Variants in UBE2E2 observed in about 807,000 individuals in gnomAD.
UBE2E2 encodes the protein ubiquitin-conjugating enzyme E2 E2.
UBE2E2 carries 6 observed loss-of-function variants against 24.7 expected under a neutral mutation model. The ratio of observed to expected loss-of-function variants is 0.24; its 90% CI spans 0.13 to 0.48. The LOEUF is 0.48. Among genes scored for constraint, UBE2E2 ranks in the 20% least tolerant of loss-of-function variants. The pLI, the probability that UBE2E2 is intolerant of heterozygous loss-of-function variation, is 0.99. For missense variants in UBE2E2, 169 were observed against 245.0 expected (o/e 0.69, Z 2.07); for synonymous variants, 104 against 83.6 (o/e 1.24, Z -1.33).
intron 3 of UBE2E2, among the ~76,000 whole-genome samples, chr3:23,430,888 A>G (rs1391716898): frequency 1.3e-5 from 2 of 152,202 alleles, no homozygotes; most frequent in Admixed American, 1.3e-4. Flanking sequence ...TACAGAGTTT[A>G]TGAAATGCTG....
At chr3:23,247,398 A>G (rs922754131) in intron 3 of UBE2E2, among the ~76,000 whole-genome samples, 5 of 148,706 alleles carry the variant, frequency 3.4e-5, no homozygotes, top group African/African-American at 9.9e-5. Flanking sequence ...CTCTGTCACC[A>G]GGCTGGAGTG....
At chr3:23,238,827 G>A (rs1263164664) in intron 3 of UBE2E2, among the ~76,000 whole-genome samples, 40 of 152,184 alleles carry the variant, frequency 2.6e-4, no homozygotes, top group Admixed American at 2.6e-3. Flanking sequence ...ACTGGGACCT[G>A]CCACATGGGG....
intron 3 of UBE2E2, among the ~76,000 whole-genome samples, chr3:23,449,296 T>G (rs1698503787): frequency 6.6e-6 from 1 of 152,242 alleles, no homozygotes; most frequent in Non-Finnish European, 1.5e-5. Context: ...TACATGGATT[T>G]CTTAAAAATT....
At position 23,258,615 on chromosome 3, in the gene UBE2E2, C is replaced by T. The variant is rs192335150; in HGVS notation, c.227+41303C>T. Among the ~76,000 whole-genome samples, 138 of 152,174 alleles carry T rather than the reference C, an allele frequency of 9.1e-4. No individual in the cohort carries two copies. In the Middle Eastern group the frequency reaches 0.01, roughly 11 times the overall value. On this transcript the variant is annotated intron_variant, in intron 3 of 5. Coordinates refer to ENST00000396703, the MANE Select transcript of UBE2E2 (RefSeq NM_152653.4). Reference sequence around the variant, plus strand: ...TGAGCTTATAAAAATGAATCTAGGTCGGGTGTGGTGGCTCACGCCTATAAT... The same window carrying T: ...TGAGCTTATAAAAATGAATCTAGGTTGGGTGTGGTGGCTCACGCCTATAAT...
chr3:23,213,437 C>CCGA, intron 2 of UBE2E2, among the ~76,000 whole-genome samples: 1 of 151,884 alleles, frequency 6.6e-6, no homozygotes, highest in South Asian at 2.1e-4. Context: ...AATAACAGTC[C>CCGA]CACACAGCAT....
intron 3 of UBE2E2, among the ~76,000 whole-genome samples, chr3:23,228,691 A>G (rs1234101538): frequency 6.6e-6 from 1 of 152,214 alleles, no homozygotes; most frequent in Non-Finnish European, 1.5e-5. Context: ...TTCATTTAGA[A>G]CTGTCTACAT....
intron 3 of UBE2E2, among the ~76,000 whole-genome samples, chr3:23,381,306 A>G (rs1012654020): frequency 6.6e-6 from 1 of 152,246 alleles, no homozygotes; most frequent in African/African-American, 2.4e-5. Context: ...AAGAATGTGT[A>G]GAAAAATATT....
chr3:23,230,627 A>G (rs1696949673), intron 3 of UBE2E2, among the ~76,000 whole-genome samples: 1 of 152,002 alleles, frequency 6.6e-6, no homozygotes, highest in Non-Finnish European at 1.5e-5. Context: ...TCTACTAAAA[A>G]TACAAAAAAT....
At chr3:23,336,927 C>T (rs1204075641) in intron 3 of UBE2E2, among the ~76,000 whole-genome samples, 4 of 151,990 alleles carry the variant, frequency 2.6e-5, no homozygotes, top group Non-Finnish European at 5.9e-5. Context: ...ATCAGTTCAG[C>T]TCAGGAGTTT....
intron 3 of UBE2E2, among the ~76,000 whole-genome samples, chr3:23,401,365 A>G (rs1325518249): frequency 6.6e-6 from 1 of 152,244 alleles, no homozygotes; most frequent in East Asian, 1.9e-4. Flanking sequence ...GCCAAATACT[A>G]TAAGCACATT....
intron 5 of UBE2E2, among the ~76,000 whole-genome samples, chr3:23,567,629 G>T (rs1285614060): frequency 6.6e-6 from 1 of 152,144 alleles, no homozygotes; most frequent in Non-Finnish European, 1.5e-5. Flanking sequence ...CGCCAAGTCA[G>T]TGACTTAAAG....
intron 3 of UBE2E2, among the ~76,000 whole-genome samples, chr3:23,415,441 A>G (rs374267187): frequency 6.6e-6 from 1 of 152,246 alleles, no homozygotes; most frequent in East Asian, 1.9e-4. Flanking sequence ...TTGCTACCAT[A>G]GTATAGGATG....
At chr3:23,390,438 C>G in intron 3 of UBE2E2, among the ~76,000 whole-genome samples, 1 of 152,180 alleles carries the variant, frequency 6.6e-6, no homozygotes, top group East Asian at 1.9e-4. Context: ...CCTGCACCAT[C>G]CCCTTTCCAG....
intron 3 of UBE2E2, among the ~76,000 whole-genome samples, chr3:23,436,612 C>G (rs370978561): frequency 6.6e-6 from 1 of 151,778 alleles, no homozygotes; most frequent in African/African-American, 2.4e-5. Context: ...GCGATTGAGC[C>G]GCTACACTCC....
At chr3:23,573,981 A>G (rs1696284343) in intron 5 of UBE2E2, among the ~76,000 whole-genome samples, 1 of 152,212 alleles carries the variant, frequency 6.6e-6, no homozygotes. Flanking sequence ...CTTAAACAAA[A>G]CACTTTGACT....
intron 5 of UBE2E2, among the ~76,000 whole-genome samples, chr3:23,562,361 T>C (rs546915293): frequency 4.6e-5 from 7 of 152,356 alleles, no homozygotes; most frequent in Non-Finnish European, 1.0e-4. Context: ...ATTTATATGC[T>C]GGATTACGTT....
chr3:23,253,777 T>G (rs1201750441), intron 3 of UBE2E2, among the ~76,000 whole-genome samples: 1 of 152,154 alleles, frequency 6.6e-6, no homozygotes, highest in East Asian at 1.9e-4. Flanking sequence ...AGGCAAGGTA[T>G]ATAGTAGTAT....
In UBE2E2 at chr3:23,434,722, G is replaced by A. The variant is rs932966354; in HGVS notation, c.228-64886G>A. Among the ~76,000 whole-genome samples, 4 of 152,276 alleles carry A rather than the reference G, an allele frequency of 2.6e-5. No homozygotes were observed. The East Asian group carries it at 7.7e-4, about 29-fold the overall frequency. On this transcript the variant is annotated intron_variant, in intron 3 of 5. Transcript: ENST00000396703. ...TTCAGGAAACAGTTGGATTGGGGGT[G>A]TGTTTAATAAGTAGCACAATTAAGA...
intron 3 of UBE2E2, among the ~76,000 whole-genome samples, chr3:23,357,595 A>T (rs1473024988): frequency 6.6e-6 from 1 of 152,182 alleles, no homozygotes; most frequent in Non-Finnish European, 1.5e-5. Context: ...ATGAGGGCAT[A>T]GCCTTCCCAT....
Sources: gnomAD v4.1 joint callset for allele counts (sites outside exome capture counted in the v4.1 genomes callset) on GRCh38, gnomAD v4.1.1 for gene constraint, MANE v1.5 for transcripts, NCBI Gene and HGNC (gene_info 2026-07-23, HGNC 2026-07-21) for gene names.